Variants in RNASE11 observed in about 807,000 individuals in gnomAD.
The protein encoded by RNASE11 is ribonuclease A family member 11 (inactive).
For missense variants in RNASE11, 252 were observed against 237.8 expected, an observed-to-expected ratio of 1.06 and a Z score of -0.39; for synonymous variants, 105 against 86.1, an observed-to-expected ratio of 1.22 and a Z score of -1.21.
intron 1 of RNASE11, 63 bp from the exon 3 acceptor site, chr14:20,584,559 T>A (rs968587579): frequency 7.3e-7 from 1 of 1,364,926 alleles, no homozygotes; most frequent in African/African-American, 1.5e-5. Context: ...TCTTTCTTCC[T>A]CCTGACAGTT....
At chr14:20,590,109 G>A, upstream of RNASE11, 1 of 1,230,744 alleles carries the variant, frequency 8.1e-7, no homozygotes, top group Non-Finnish European at 1.1e-6. Flanking sequence ...TTTTATTGAA[G>A]CAGAATAAAA....
exon 2 of RNASE11, chr14:20,583,975 G>C (rs747086672): frequency 6.2e-6 from 10 of 1,614,140 alleles, no homozygotes; most frequent in Non-Finnish European, 8.5e-6. Flanking sequence ...TTGGCACCTG[G>C]GGAATTGTTT....
At chr14:20,585,432 T>A (rs978832083) in intron 1 of RNASE11, among the ~76,000 whole-genome samples, 2 of 152,230 alleles carry the variant, frequency 1.3e-5, no homozygotes, top group African/African-American at 4.8e-5. Flanking sequence ...CTTTTCTCCC[T>A]CTTGTTAGGC....
At chr14:20,587,105 A>G (rs781289262) in intron 1 of RNASE11, among the ~76,000 whole-genome samples, 1 of 152,212 alleles carries the variant, frequency 6.6e-6, no homozygotes, top group Admixed American at 6.5e-5. Context: ...GTGAGCTGTG[A>G]TCACACAACT....
Position 20,584,035 on chromosome 14 carries a change from C to T in RNASE11, c.440G>A (p.Cys147Tyr), listed in dbSNP as rs151131974. 9.7e-5 allele frequency: 156 copies of T among 1,614,168 alleles called. 5 individuals carry two copies. The Middle Eastern group carries it at 1.8e-3, about 19-fold the overall frequency. ...ATTTTCCAGTTCTAGGCTCTCACAGCAGCTTATGCCAGGATTCTGTACAAA... is the reference window on the plus strand; with the variant it reads ...ATTTTCCAGTTCTAGGCTCTCACAGTAGCTTATGCCAGGATTCTGTACAAA... The change falls in exon 2 of 2, where the codon TGC becomes TAC. Residue 147 changes from cysteine (C) to tyrosine (Y), a missense_variant. Coordinates refer to ENST00000553849, the Ensembl canonical transcript of RNASE11.
chr14:20,584,262 C>T, exon 2 of RNASE11: 2 of 1,614,202 alleles, frequency 1.2e-6, no homozygotes, highest in Non-Finnish European at 8.5e-7. Context: ...ATGTGGAAGA[C>T]ATATCATCCT....
exon 1 of RNASE11, chr14:20,587,590 G>C: frequency 1.0e-6 from 1 of 985,246 alleles, no homozygotes; most frequent in Non-Finnish European, 1.2e-6. Context: ...CTATTCAGAT[G>C]CTGAGGGCTC....
chr14:20,586,458 A>C (rs1170324709), intron 1 of RNASE11, among the ~76,000 whole-genome samples: 1 of 152,220 alleles, frequency 6.6e-6, no homozygotes, highest in Non-Finnish European at 1.5e-5. Flanking sequence ...ATTATATTTG[A>C]ATTTAAAATG....
At chr14:20,589,346 T>C (rs756907691), upstream of RNASE11, among the ~76,000 whole-genome samples, 30 of 151,270 alleles carry the variant, frequency 2.0e-4, no homozygotes, top group Non-Finnish European at 3.5e-4. Context: ...CTCCGCCTCC[T>C]GGGTTCACGC....
At chr14:20,589,398 C>T (rs1462240527), upstream of RNASE11, among the ~76,000 whole-genome samples, 5 of 151,736 alleles carry the variant, frequency 3.3e-5, no homozygotes, top group South Asian at 4.2e-4. Context: ...GGACTATAGG[C>T]GCCCGCCACC....
At chr14:20,588,835 G>A (rs936310221), upstream of RNASE11, among the ~76,000 whole-genome samples, 2 of 152,150 alleles carry the variant, frequency 1.3e-5, no homozygotes, top group African/African-American at 4.8e-5. Flanking sequence ...TGCCCAGGCT[G>A]GAGTGCAATG....
intron 1 of RNASE11, 36 bp downstream of exon 2, chr14:20,587,527 C>A: frequency 1.0e-6 from 1 of 980,860 alleles, no homozygotes; most frequent in Non-Finnish European, 1.2e-6. Flanking sequence ...ATGATGCTAC[C>A]AAGGCCCAAC....
exon 2 of RNASE11, chr14:20,583,664 G>T: frequency 3.5e-6 from 1 of 288,446 alleles, no homozygotes; most frequent in Non-Finnish European, 6.6e-6. Context: ...CACAGAGAGA[G>T]AGATAGAGAG....
At chr14:20,590,142 G>T, upstream of RNASE11, 6 of 1,442,706 alleles carry the variant, frequency 4.2e-6, no homozygotes, top group Non-Finnish European at 4.6e-6. Flanking sequence ...AGCAATACAG[G>T]AAGGATAAAT....
chr14:20,585,161 A>C, intron 1 of RNASE11: 1 of 826,866 alleles, frequency 1.2e-6, no homozygotes, highest in South Asian at 5.6e-5. Context: ...AGAGGGGTAG[A>C]TAGGGTTGTA....
At chr14:20,583,721 T>G in exon 2 of RNASE11, 1 of 628,332 alleles carries the variant, frequency 1.6e-6, no homozygotes, top group Non-Finnish European at 2.6e-6. Context: ...AATTGAATTA[T>G]CCACAATTTT....
chr14:20,585,480 T>C (rs1594472507), intron 1 of RNASE11, among the ~76,000 whole-genome samples: 1 of 150,244 alleles, frequency 6.7e-6, no homozygotes, highest in Admixed American at 6.6e-5. Context: ...TTTCTGATTA[T>C]TTATACTTTT....
intron 1 of RNASE11, among the ~76,000 whole-genome samples, chr14:20,586,540 G>C (rs1304778671): frequency 6.6e-6 from 1 of 152,220 alleles, no homozygotes; most frequent in African/African-American, 2.4e-5. Context: ...ATGGATTATT[G>C]ATAGATTATT....
chr14:20,587,028 C>G (rs1678292340), intron 1 of RNASE11, among the ~76,000 whole-genome samples: 1 of 152,122 alleles, frequency 6.6e-6, no homozygotes, highest in Non-Finnish European at 1.5e-5. Flanking sequence ...TGGCATATGC[C>G]TATAGTCCCA....
Sources: gnomAD v4.1 joint callset for allele counts (sites outside exome capture counted in the v4.1 genomes callset) on GRCh38, gnomAD v4.1.1 for gene constraint, MANE v1.5 for transcripts, NCBI Gene and HGNC (gene_info 2026-07-23, HGNC 2026-07-21) for gene names.